WDFY4: variants seen among roughly 807,000 people sequenced by gnomAD.
WDFY4 encodes the protein WDFY family member 4.
Under a neutral mutation model 351.9 loss-of-function variants are expected in WDFY4, and 169 were observed. That is an observed-to-expected ratio of 0.48 (90% CI 0.42 to 0.55). The LOEUF is 0.55. WDFY4 is among the 20% of genes least tolerant of loss of function. The probability of loss-of-function intolerance (pLI) is 0.00; values close to 1 mark genes in which losing one functional copy is unlikely to be tolerated. For synonymous variants in WDFY4, 1,622 were observed against 1,574.6 expected (o/e 1.03, Z -0.71); for missense variants, 3,803 against 3,935.6 (o/e 0.97, Z 0.90).
At chr10:48,945,963 C>A in intron 49 of WDFY4, 77 bp from the exon 50 acceptor site, 2 of 986,658 alleles carry the variant, frequency 2.0e-6, no homozygotes, top group Non-Finnish European at 2.9e-6. Context: ...TAAAGAGAAC[C>A]ATAAAACTCA....
intron 8 of WDFY4, among the ~76,000 whole-genome samples, chr10:48,729,999 G>T (rs2064403961): frequency 6.6e-6 from 1 of 152,200 alleles, no homozygotes; most frequent in South Asian, 2.1e-4. Flanking sequence ...CCCATGCTGG[G>T]TGCCAGTGTG....
At position 48,743,362 on chromosome 10, in the gene WDFY4, C is replaced by T. The variant is rs1589503437; in HGVS notation, c.2273C>T (p.Pro758Leu). The T allele has an allele frequency of 1.9e-6, 3 of 1,551,492 alleles. No individual in the cohort carries two copies. Among genetic ancestry groups the T allele is most frequent in the African/African-American group, 2.7e-5 (2 of 72,986 alleles). Residue 758 changes from proline to leucine, a missense_variant, in exon 12 of 62, where the codon CCC becomes CTC. By Grantham distance (98) the Pro-to-Leu change is moderately conservative. Around this residue, in one of 3 missense-constraint regions of WDFY4, gnomAD observed 3,054 missense variants for 3,148.6 expected, o/e 0.97. Transcript: ENST00000325239. The part of the protein sequence containing the change: ...TAFSSSGSLP[P>L]RIQSCLQILG... ...TTTTCCTCCAGCGGCTCACTCCCAC[C>T]CCGGATACAGAGCTGCCTCCAGATC...
Position 48,787,913 on chromosome 10 carries a change from TTC to T in WDFY4, c.3809-615_3809-614del, listed in dbSNP as rs1565198795. Among the ~76,000 whole-genome samples, 312 of 50,568 alleles carry T rather than the reference TTC, an allele frequency of 6.2e-3. 11 individuals carry two copies. Among genetic ancestry groups the T allele is most frequent in the East Asian group, 0.015 (26 of 1,752 alleles). The allele number at this position is 50,568 out of a possible 152,430, so 33.2% of individuals were successfully genotyped here. A position where few individuals can be genotyped will look rare whatever the true frequency, so the allele number is the denominator to read the frequency against. ...CTTCTCCTTCTTCTTCTTCTTCTTC[TTC>T]TTCTTCTTCTTCTTCTTCTTCTTCT... On this transcript the variant is annotated intron_variant, in intron 20 of 61. Coordinates refer to ENST00000325239, the MANE Select transcript of WDFY4 (RefSeq NM_001394531.1).
At chr10:48,843,076 C>A (rs910638790) in intron 39 of WDFY4, among the ~76,000 whole-genome samples, 1 of 152,250 alleles carries the variant, frequency 6.6e-6, no homozygotes, top group Non-Finnish European at 1.5e-5. Flanking sequence ...GTAACAACCA[C>A]TGCCCGTTTA....
At chr10:48,726,549 G>T (rs1341484394) in intron 6 of WDFY4, among the ~76,000 whole-genome samples, 1 of 152,228 alleles carries the variant, frequency 6.6e-6, no homozygotes, top group Non-Finnish European at 1.5e-5. Flanking sequence ...TGGGAACTAT[G>T]TGTAGGGGTT....
rs772514860 is a variant in WDFY4, at chr10:48,821,043, T to C, written c.5710-19T>C. 4.7e-5 allele frequency: 73 copies of C among 1,540,780 alleles called. No individual in the cohort carries two copies. The highest frequency in any genetic ancestry group is 7.8e-5 in the Admixed American group (4 of 50,958). ...GATGGCCCTGTGGTTGCTGTCTCAG[T>C]CCCGGGCTGTGCTTCCAGGCTTCTC... On this transcript the variant is annotated intron_variant, in intron 33 of 61. Coordinates refer to ENST00000325239, the MANE Select transcript of WDFY4 (RefSeq NM_001394531.1).
chr10:48,978,811 A>G (rs1354710776), intron 60 of WDFY4: 2 of 158,574 alleles, frequency 1.3e-5, no homozygotes, highest in African/African-American at 4.8e-5. Context: ...GGGACCCACA[A>G]TCAAACATGT....
At chr10:48,969,615 G>A (rs1459051549) in intron 56 of WDFY4, among the ~76,000 whole-genome samples, 2 of 152,088 alleles carry the variant, frequency 1.3e-5, no homozygotes, top group African/African-American at 4.8e-5. Context: ...GAGCATTTGG[G>A]GGCTGGCAGG....
chr10:48,796,293 T>A lies in WDFY4; in HGVS notation c.4258-5T>A. On this transcript the variant is annotated splice_polypyrimidine_tract_variant and splice_region_variant and intron_variant, in intron 23 of 61. Transcript: ENST00000325239. ...GAGGAAACTGCTTTGTGTTAACCTT[T>A]TCAGATAATGGCGTTTCTCCTGAGG... 3 of 1,551,204 alleles carry A rather than the reference T, an allele frequency of 1.9e-6. No homozygotes were observed. The highest frequency in any genetic ancestry group is 2.6e-6 in the Non-Finnish European group (3 of 1,146,594).
intron 47 of WDFY4, among the ~76,000 whole-genome samples, chr10:48,928,250 C>A (rs915069012): frequency 6.6e-6 from 1 of 152,132 alleles, no homozygotes; most frequent in Non-Finnish European, 1.5e-5. Flanking sequence ...GTCTCCTGAA[C>A]CCCACAAGCT....
At chr10:48,913,805 C>G in intron 47 of WDFY4, 1 of 1,614,084 alleles carries the variant, frequency 6.2e-7, no homozygotes, top group East Asian at 2.2e-5. Context: ...TGAGTTGCTT[C>G]AGCTCCACGG....
intron 39 of WDFY4, among the ~76,000 whole-genome samples, chr10:48,866,194 T>G (rs969340823): frequency 6.6e-6 from 1 of 152,156 alleles, no homozygotes; most frequent in Non-Finnish European, 1.5e-5. Flanking sequence ...ATTTAACGTG[T>G]TTCTTTTTTT....
chr10:48,767,221 A>G (rs981064390), intron 13 of WDFY4, among the ~76,000 whole-genome samples: 2 of 152,154 alleles, frequency 1.3e-5, no homozygotes, highest in African/African-American at 4.8e-5. Context: ...CATCTGCAAA[A>G]TGGGTGTGAT....
At chr10:48,965,132 G>A (rs184651975) in intron 54 of WDFY4, among the ~76,000 whole-genome samples, 11 of 152,242 alleles carry the variant, frequency 7.2e-5, no homozygotes, top group African/African-American at 2.6e-4. Flanking sequence ...ATAATACAAA[G>A]CAACAAAATA....
intron 40 of WDFY4, among the ~76,000 whole-genome samples, chr10:48,872,998 T>C (rs1281976962): frequency 1.3e-5 from 2 of 152,136 alleles, no homozygotes; most frequent in Non-Finnish European, 2.9e-5. Flanking sequence ...ATCAATCAGT[T>C]GTCTTGAGGG....
intron 19 of WDFY4, 23 bp from the exon 20 acceptor site, chr10:48,786,616 T>G: frequency 6.5e-7 from 1 of 1,536,396 alleles, no homozygotes; most frequent in Non-Finnish European, 8.8e-7. Flanking sequence ...CACTACTCAC[T>G]CTTGTCCTTT....
intron 47 of WDFY4, among the ~76,000 whole-genome samples, chr10:48,926,705 G>C (rs946242454): frequency 1.3e-5 from 2 of 152,180 alleles, no homozygotes; most frequent in African/African-American, 4.8e-5. Flanking sequence ...TATACAAATA[G>C]TATGAATGTT....
chr10:48,811,801 C>T, intron 30 of WDFY4, 93 bp downstream of exon 30: 2 of 1,305,804 alleles, frequency 1.5e-6, no homozygotes, highest in South Asian at 2.9e-5. Flanking sequence ...ACTTACCTCC[C>T]TCTGCTTCTT....
intron 35 of WDFY4, chr10:48,823,878 A>T (rs1214962592): frequency 1.0e-6 from 1 of 985,802 alleles, no homozygotes; most frequent in Non-Finnish European, 1.2e-6. Flanking sequence ...CAGGAGAGGA[A>T]CATGATAAAG....
Sources: allele counts gnomAD v4.1 joint callset (sites outside exome capture counted in the v4.1 genomes callset), GRCh38; gene constraint gnomAD v4.1.1; regional missense constraint gnomAD v4.1.1; transcripts MANE v1.5; gene names NCBI Gene and HGNC (gene_info 2026-07-23, HGNC 2026-07-21).